The following DCTN4 variants were observed in gnomAD, a reference collection of about 807,000 sequenced individuals.
DCTN4 encodes the protein dynactin subunit 4, also known as dynactin 4 (p62).
Under a neutral mutation model 62.7 loss-of-function variants are expected in DCTN4, and 23 were observed. The observed-to-expected ratio is 0.37, with a 90% confidence interval of 0.26 to 0.52. The LOEUF is 0.52. Among genes scored for constraint, DCTN4 ranks in the 20% least tolerant of loss-of-function variants. The pLI is 0.92. For synonymous variants in DCTN4, 199 were observed against 202.1 expected, an observed-to-expected ratio of 0.98 and a Z score of 0.13; for missense variants, 514 against 580.4, an observed-to-expected ratio of 0.89 and a Z score of 1.18.
At position 150,718,332 on chromosome 5, in the gene DCTN4, C is replaced by T. The variant is rs1210439140; in HGVS notation, c.1015G>A (p.Val339Met). 6.2e-7 allele frequency: 1 copy of T among 1,614,160 alleles called. No individual in the cohort carries two copies. The highest frequency in any genetic ancestry group is 2.2e-5 in the East Asian group (1 of 44,878). ...LTNPVENLTH[V>M]TLFECEEGDP... The stretch of plus-strand genomic sequence containing the variant: ...CCCTCCTCACACTCGAAGAGAGTCA[C>T]ATGGGTGAGGTTCTCAACTGGATTT... The change falls in exon 11 of 13, where the codon GTG becomes ATG. Residue 339 changes from valine (V) to methionine (M), a missense_variant. Physicochemically the swap from Val to Met is conservative, Grantham distance 21. Transcript: ENST00000447998.
At chr5:150,719,474 T>G (rs574943587) in intron 10 of DCTN4, among the ~76,000 whole-genome samples, 11 of 152,196 alleles carry the variant, frequency 7.2e-5, no homozygotes, top group Non-Finnish European at 1.5e-4. Context: ...TCCTTTCTTT[T>G]CCCCACCTAT....
intron 1 of DCTN4, 45 bp from the exon 2 acceptor site, chr5:150,756,532 G>T: frequency 1.5e-6 from 2 of 1,292,574 alleles, no homozygotes; most frequent in Non-Finnish European, 1.1e-6. Context: ...GGAGAACTCA[G>T]TTTAACTTGT....
At chr5:150,754,843 G>A (rs1209371601) in intron 2 of DCTN4, among the ~76,000 whole-genome samples, 5 of 152,086 alleles carry the variant, frequency 3.3e-5, no homozygotes, top group Non-Finnish European at 5.9e-5. Flanking sequence ...CATGTGCCTA[G>A]TCTCAGCTAC....
chr5:150,751,983 ATT>A (rs1468923912), intron 3 of DCTN4, among the ~76,000 whole-genome samples: 2 of 152,196 alleles, frequency 1.3e-5, no homozygotes, highest in Non-Finnish European at 2.9e-5. Context: ...CATATAATGA[ATT>A]TGTTATGAGC....
intron 4 of DCTN4, 44 bp downstream of exon 4, chr5:150,742,070 T>G (rs1420890147): frequency 1.3e-6 from 2 of 1,578,048 alleles, no homozygotes; most frequent in Non-Finnish European, 1.7e-6. Flanking sequence ...TTTTACTCAA[T>G]TTTTTCCGAT....
intron 12 of DCTN4, among the ~76,000 whole-genome samples, chr5:150,713,472 C>G (rs1012471897): frequency 9.1e-5 from 13 of 143,330 alleles, no homozygotes; most frequent in African/African-American, 2.9e-4. Context: ...GAGACGGAGT[C>G]TGGCTCTGTT....
At chr5:150,730,984 A>AAT (rs1361647573) in intron 7 of DCTN4, 60 bp downstream of exon 7, 24 of 1,084,528 alleles carry the variant, frequency 2.2e-5, no homozygotes, top group South Asian at 1.3e-4. Context: ...TAGGTACATA[A>AAT]ATAACAAAAA....
intron 5 of DCTN4, chr5:150,731,982 G>T: frequency 7.8e-7 from 1 of 1,282,240 alleles, no homozygotes; most frequent in Non-Finnish European, 1.1e-6. Flanking sequence ...AACGCATATA[G>T]CAGGCAGGTT....
At position 150,729,943 on chromosome 5, in the gene DCTN4, TAC is replaced by T. The variant is rs372476729; in HGVS notation, c.834+686_834+687del. Among the ~76,000 whole-genome samples the T allele has an allele frequency of 1.1e-4, 16 of 152,248 alleles. No homozygotes were observed. The East Asian group carries it at 2.1e-3, about 20-fold the overall frequency. ...TGAATCCGAATCTACGTAAACTCTA[TAC>T]ATTGTGTTTGGTAAACTTTTAAGTC... On this transcript the variant is annotated intron_variant, in intron 8 of 12. Coordinates refer to ENST00000447998, the MANE Select transcript of DCTN4 (RefSeq NM_016221.4).
chr5:150,723,346 T>C (rs1394575504), intron 8 of DCTN4, among the ~76,000 whole-genome samples: 1 of 152,224 alleles, frequency 6.6e-6, no homozygotes, highest in Non-Finnish European at 1.5e-5. Flanking sequence ...TGCCATATTA[T>C]AGATGATCAA....
At chr5:150,753,761 T>G (rs1752761086) in intron 2 of DCTN4, 104 bp from the exon 3 acceptor site, 1 of 1,192,642 alleles carries the variant, frequency 8.4e-7, no homozygotes, top group Non-Finnish European at 1.2e-6. Flanking sequence ...AACAGTAACA[T>G]TCTGCAGGCC....
Position 150,753,625 on chromosome 5 carries a change from A to G in DCTN4, c.239T>C (p.Met80Thr), listed in dbSNP as rs376625068. The change falls in exon 3 of 13, where the codon ATG becomes ACG. Residue 80 changes from methionine (M) to threonine (T), a missense_variant. Transcript: ENST00000447998. Reference protein sequence around the residue: ...CANCFDCPGCMHTLSTRATSI... With the variant: ...CANCFDCPGCTHTLSTRATSI... ...CGTGGCCCGAGTAGAGAGGGTGTGC[A>G]TGCAGCCAGGACAGTCAAAACAATT... The G allele has an allele frequency of 3.1e-5, 50 of 1,614,026 alleles. No homozygotes were observed. The highest frequency in any genetic ancestry group is 4.2e-5 in the Non-Finnish European group (49 of 1,179,990).
intron 3 of DCTN4, among the ~76,000 whole-genome samples, chr5:150,745,414 T>C (rs1416794702): frequency 2.0e-5 from 3 of 151,956 alleles, no homozygotes; most frequent in Admixed American, 2.0e-4. Flanking sequence ...TACCCAGGAA[T>C]TGAACTCAGC....
At chr5:150,713,530 G>T (rs552341282) in intron 12 of DCTN4, among the ~76,000 whole-genome samples, 1 of 145,286 alleles carries the variant, frequency 6.9e-6, no homozygotes, top group African/African-American at 2.6e-5. Context: ...TGCAACCCCC[G>T]CCCCTAGGGT....
intron 9 of DCTN4, among the ~76,000 whole-genome samples, chr5:150,720,932 C>T (rs1392276276): frequency 6.6e-6 from 1 of 152,160 alleles, no homozygotes; most frequent in Admixed American, 6.5e-5. Flanking sequence ...GAGTTCATCC[C>T]AGACTTCACA....
intron 4 of DCTN4, among the ~76,000 whole-genome samples, chr5:150,735,916 A>T (rs1263369782): frequency 4.2e-5 from 4 of 95,332 alleles, no homozygotes; most frequent in Non-Finnish European, 7.2e-5. Flanking sequence ...AAGGGAATTA[A>T]AAAAAAAAAA....
At chr5:150,728,684 A>C (rs1014975474) in intron 8 of DCTN4, among the ~76,000 whole-genome samples, 1 of 151,618 alleles carries the variant, frequency 6.6e-6, no homozygotes, top group Non-Finnish European at 1.5e-5. Flanking sequence ...TATTTTTCCC[A>C]CTTCTCTCTA....
intron 4 of DCTN4, 115 bp from the exon 5 acceptor site, chr5:150,733,590 C>T: frequency 1.6e-6 from 1 of 621,874 alleles, no homozygotes; most frequent in South Asian, 2.9e-5. Context: ...TTAAGATGGG[C>T]AAGTTTGCCC....
Position 150,758,913 on chromosome 5 carries a change from G to A in DCTN4, c.81C>T (p.Leu27=). ...GTTCGCTACAATAGCGGCAGAAGTA[G>A]AGTTGCGAGAGCGGGGCCCGAACCT... is the stretch of plus-strand genomic sequence containing the variant. The part of the protein sequence containing the change: ...EKKVRAPLSQ[L]YFCRYCSELR... Residue 27 remains leucine (L), a synonymous_variant, in exon 1 of 13, where the codon CTC becomes CTT. Transcript: ENST00000447998. 2 of 1,614,110 alleles carry A rather than the reference G, an allele frequency of 1.2e-6. No homozygotes were observed. Among genetic ancestry groups the A allele is most frequent in the South Asian group, 1.1e-5 (1 of 91,078 alleles).
Sources: gnomAD v4.1 joint callset for allele counts (sites outside exome capture counted in the v4.1 genomes callset) on GRCh38, gnomAD v4.1.1 for gene constraint, MANE v1.5 for transcripts, NCBI Gene and HGNC (gene_info 2026-07-23, HGNC 2026-07-21) for gene names.